The following SPINK2 variants were observed in gnomAD, a reference collection of about 807,000 sequenced individuals.
SPINK2 encodes the protein serine protease inhibitor Kazal-type 2.
In SPINK2, 8 loss-of-function variants were observed where a neutral mutation model predicts 13.5. That is an observed-to-expected ratio of 0.59 (90% CI 0.35 to 1.07). SPINK2 has a LOEUF of 1.07. SPINK2 is among the 50% of genes least tolerant of loss of function. SPINK2 has a pLI of 0.02. For missense variants in SPINK2, 148 were observed against 180.3 expected (o/e 0.82, Z 1.03); for synonymous variants, 76 against 74.7 (o/e 1.02, Z -0.09).
intron 3 of SPINK2, chr4:56,810,590 G>A (rs1294309577): frequency 1.1e-5 from 2 of 177,170 alleles, no homozygotes; most frequent in East Asian, 1.8e-4. Flanking sequence ...TGTAATCCCA[G>A]CACTTTGGGA....
chr4:56,816,368 T>C (rs1717449375), intron 2 of SPINK2, among the ~76,000 whole-genome samples: 2 of 151,192 alleles, frequency 1.3e-5, no homozygotes, highest in South Asian at 2.1e-4. Context: ...TAAAAAAATA[T>C]AGGCCAGGCA....
chr4:56,813,332 C>T (rs993922287), intron 2 of SPINK2, among the ~76,000 whole-genome samples: 1 of 151,214 alleles, frequency 6.6e-6, no homozygotes, highest in African/African-American at 2.5e-5. Context: ...AAAAAAATTA[C>T]GAATTAAAAT....
intron 3 of SPINK2, 59 bp downstream of exon 3, chr4:56,811,626 G>C: frequency 8.8e-7 from 1 of 1,140,290 alleles, no homozygotes; most frequent in Non-Finnish European, 1.2e-6. Context: ...AAAAAAAAAA[G>C]AAGAAAAAAA....
chr4:56,812,084 C>T (rs372295077), intron 2 of SPINK2, among the ~76,000 whole-genome samples: 3 of 151,182 alleles, frequency 2.0e-5, no homozygotes, highest in East Asian at 4.0e-4. Flanking sequence ...TTAGTAGAGA[C>T]AGGGTTTCAC....
intron 1 of SPINK2, 76 bp from the exon 2 acceptor site, chr4:56,820,655 T>TTTA: frequency 3.1e-5 from 38 of 1,213,666 alleles, no homozygotes; most frequent in Admixed American, 8.0e-5. Flanking sequence ...TTTTTTTTTT[T>TTTA]AAATGAAGTC....
At chr4:56,817,656 C>G (rs1233525393) in intron 2 of SPINK2, among the ~76,000 whole-genome samples, 3 of 151,874 alleles carry the variant, frequency 2.0e-5, no homozygotes, top group South Asian at 2.1e-4. Flanking sequence ...GAGTTTGAGA[C>G]CAGCCTAGCC....
chr4:56,817,913 C>T (rs755359083), intron 2 of SPINK2, among the ~76,000 whole-genome samples: 3 of 151,568 alleles, frequency 2.0e-5, no homozygotes, highest in Non-Finnish European at 4.4e-5. Flanking sequence ...GAGAAAGCAC[C>T]AGAAGGTACA....
intron 3 of SPINK2, among the ~76,000 whole-genome samples, chr4:56,810,938 A>G (rs564077895): frequency 6.6e-6 from 1 of 152,264 alleles, no homozygotes; most frequent in East Asian, 1.9e-4. Context: ...TGCTACATGA[A>G]GCATATCAAG....
intron 1 of SPINK2, 62 bp from the exon 2 acceptor site, chr4:56,820,641 GTT>G (rs77998791): frequency 5.1e-4 from 542 of 1,072,154 alleles, no homozygotes; most frequent in Admixed American, 6.1e-4. Context: ...TGTTCATGAA[GTT>G]TTTTTTTTTT....
intron 2 of SPINK2, among the ~76,000 whole-genome samples, chr4:56,813,638 A>G (rs1442600335): frequency 6.7e-6 from 1 of 150,282 alleles, no homozygotes; most frequent in African/African-American, 2.5e-5. Flanking sequence ...TTTTTTTGAG[A>G]CAGAGTTTTG....
chr4:56,821,652 G>A lies in SPINK2; in HGVS notation c.11C>T (p.Ser4Leu), dbSNP rs202104702. MALSVLRLALLLLA... is the reference protein window; with the variant it reads MALLVLRLALLLLA... Reference sequence around the variant, plus strand: ...GAGCAGCAGCGCCAAGCGCAGCACCGACAGCGCCATCCTCCTCCCGCGCCG... The same window carrying A: ...GAGCAGCAGCGCCAAGCGCAGCACCAACAGCGCCATCCTCCTCCCGCGCCG... Residue 4 changes from serine (S) to leucine (L), a missense_variant, in exon 1 of 4, where the codon TCG becomes TTG. Physicochemically the swap from Ser to Leu is moderately radical, Grantham distance 145. Coordinates refer to ENST00000506738, the MANE Select transcript of SPINK2 (RefSeq NM_001271718.2). 5.0e-5 allele frequency: 77 copies of A among 1,539,932 alleles called. 1 individual carries two copies. Among genetic ancestry groups the A allele is most frequent in the Non-Finnish European group, 1.7e-6 (2 of 1,144,778 alleles).
intron 2 of SPINK2, chr4:56,818,190 C>T (rs572498797): frequency 6.6e-6 from 1 of 152,162 alleles, no homozygotes; most frequent in Non-Finnish European, 1.5e-5. Context: ...AACCAAAGAT[C>T]AATCTCTCTG....
At chr4:56,815,844 C>G (rs1717405826) in intron 2 of SPINK2, among the ~76,000 whole-genome samples, 1 of 151,448 alleles carries the variant, frequency 6.6e-6, no homozygotes, top group African/African-American at 2.4e-5. Flanking sequence ...TGGCTCATTC[C>G]TGTAATTCCA....
Position 56,821,619 on chromosome 4 carries a change from A to G in SPINK2, c.44T>C (p.Val15Ala). 1 of 1,549,826 alleles carries G rather than the reference A, an allele frequency of 6.5e-7. No individual in the cohort carries two copies. Among genetic ancestry groups the G allele is most frequent in the Non-Finnish European group, 8.7e-7 (1 of 1,147,734 alleles). ...GCTCCGAGCGCTACCTGCGAAGGTAACTGCCAGGAGCAGCAGCGCCAAGCG... is the reference window on the plus strand; with the variant it reads ...GCTCCGAGCGCTACCTGCGAAGGTAGCTGCCAGGAGCAGCAGCGCCAAGCG... ...VLRLALLLLA[V>A]TFAGSARSGP... The change falls in exon 1 of 4, where the codon GTT (valine) becomes GCT (alanine). Residue 15 changes from valine (V) to alanine (A), a missense_variant. Coordinates refer to ENST00000506738, the MANE Select transcript of SPINK2 (RefSeq NM_001271718.2).
chr4:56,820,434 G>T (rs1717837180), intron 2 of SPINK2, 102 bp downstream of exon 2: 2 of 859,336 alleles, frequency 2.3e-6, no homozygotes, highest in Admixed American at 2.0e-5. Flanking sequence ...AGTCCTCAAT[G>T]GTTTCAAAAG....
chr4:56,811,486 AGGTGCCT>A (rs1296826125), intron 3 of SPINK2, among the ~76,000 whole-genome samples, 192 bp downstream of exon 3: 2 of 152,052 alleles, frequency 1.3e-5, no homozygotes, highest in Non-Finnish European at 2.9e-5. Context: ...GCGTGGTGGC[AGGTGCCT>A]GTAATCCCAG....
intron 2 of SPINK2, among the ~76,000 whole-genome samples, chr4:56,815,571 G>C (rs1189147223): frequency 6.6e-6 from 1 of 151,818 alleles, no homozygotes; most frequent in African/African-American, 2.4e-5. Flanking sequence ...GTGGTGGCAG[G>C]CACCTGTAAT....
rs62309954 is a variant in SPINK2, at chr4:56,814,000, T to C, written c.250-2206A>G. On this transcript the variant is annotated intron_variant, in intron 2 of 3. Transcript: ENST00000506738. ...GTGCAGTGGCGCGATCTTGGCTCAC[T>C]GCAACTTCTGCCTCCCAAGTTCAGG... Among the ~76,000 whole-genome samples the C allele has an allele frequency of 6.1e-4, 89 of 146,322 alleles. 1 individual carries two copies. Among genetic ancestry groups the C allele is most frequent in the Non-Finnish European group, 1.1e-3 (76 of 67,128 alleles).
chr4:56,819,348 T>C (rs1717730588), intron 2 of SPINK2, among the ~76,000 whole-genome samples: 1 of 152,166 alleles, frequency 6.6e-6, no homozygotes, highest in South Asian at 2.1e-4. Flanking sequence ...ATATGTCAAA[T>C]AATGTCTATC....
Sources: allele counts gnomAD v4.1 joint callset (sites outside exome capture counted in the v4.1 genomes callset), GRCh38; gene constraint gnomAD v4.1.1; transcripts MANE v1.5; gene names NCBI Gene and HGNC (gene_info 2026-07-23, HGNC 2026-07-21).